Variants in SHISA6 observed in about 807,000 individuals in gnomAD.
SHISA6 encodes shisa family member 6, also known as protein shisa-6.
SHISA6 carries 22 observed loss-of-function variants against 47.9 expected under a neutral mutation model. The ratio of observed to expected loss-of-function variants is 0.46; its 90% CI spans 0.33 to 0.66. The LOEUF (loss-of-function observed/expected upper bound fraction) is 0.66, where lower values mean the gene tolerates loss of function less well. SHISA6 is among the 30% of genes least tolerant of loss of function. The pLI is 0.02. For synonymous variants in SHISA6, 388 were observed against 337.8 expected (o/e 1.15, Z -1.63); for missense variants, 680 against 764.6 (o/e 0.89, Z 1.30).
At chr17:11,333,545 C>T (rs1448750507) in intron 2 of SHISA6, among the ~76,000 whole-genome samples, 2 of 152,038 alleles carry the variant, frequency 1.3e-5, no homozygotes, top group Non-Finnish European at 2.9e-5. Context: ...GATGGAGTCT[C>T]ACTCTGTCGC....
rs572437724 is a variant in SHISA6, at chr17:11,293,644, C to G, written c.799+30118C>G. 2.0e-5 allele frequency among the ~76,000 whole-genome samples: 3 copies of G among 152,140 alleles called. No individual in the cohort carries two copies. In the South Asian group the frequency reaches 6.3e-4, roughly 32 times the overall value. ...AGGCATGATGCTGTAGGAACGCAAG[C>G]ATGGTGATGAGGTTGGTGGGGCTTT... On this transcript the variant is annotated intron_variant, in intron 2 of 5. Coordinates refer to ENST00000441885, the MANE Select transcript of SHISA6 (RefSeq NM_207386.4).
intron 3 of SHISA6, among the ~76,000 whole-genome samples, chr17:11,446,775 C>T (rs544929851): frequency 1.3e-5 from 2 of 152,240 alleles, no homozygotes; most frequent in African/African-American, 4.8e-5. Context: ...AATTTTTCAT[C>T]TTGTGTTTGC....
chr17:11,325,182 C>T (rs749960009), intron 2 of SHISA6, among the ~76,000 whole-genome samples: 44 of 152,266 alleles, frequency 2.9e-4, no homozygotes, highest in Admixed American at 1.3e-3. Flanking sequence ...CACATCCAGG[C>T]GGGCCCAAAA....
At chr17:11,486,661 T>C (rs991957542) in intron 3 of SHISA6, among the ~76,000 whole-genome samples, 2 of 152,110 alleles carry the variant, frequency 1.3e-5, no homozygotes, top group African/African-American at 4.8e-5. Context: ...GGTGAGACCA[T>C]AAATAGACAT....
At chr17:11,352,752 T>G (rs1911931508) in intron 2 of SHISA6, among the ~76,000 whole-genome samples, 1 of 152,196 alleles carries the variant, frequency 6.6e-6, no homozygotes, top group African/African-American at 2.4e-5. Flanking sequence ...TAGGGTGGGC[T>G]GATGTAGGTC....
At chr17:11,263,314 G>T in intron 1 of SHISA6, 52 bp from the exon 2 acceptor site, 2 of 1,540,880 alleles carry the variant, frequency 1.3e-6, no homozygotes, top group Non-Finnish European at 1.8e-6. Context: ...TCCCCTCATG[G>T]TTGTGCACAC....
intron 3 of SHISA6, among the ~76,000 whole-genome samples, chr17:11,521,759 C>T (rs1040415497): frequency 6.6e-6 from 1 of 152,050 alleles, no homozygotes; most frequent in South Asian, 2.1e-4. Flanking sequence ...GCTAGGATCA[C>T]GCCTCTGCAT....
In SHISA6 at chr17:11,555,807, G is replaced by C; in HGVS notation, c.1020G>C (p.Ser340=). 1 of 1,551,066 alleles carries C rather than the reference G, an allele frequency of 6.4e-7. No individual in the cohort carries two copies. The highest frequency in any genetic ancestry group is 8.7e-7 in the Non-Finnish European group (1 of 1,146,684). The change falls in exon 5 of 6, where the codon TCG becomes TCC. Residue 340 remains serine, a synonymous_variant. Coordinates refer to ENST00000441885, the MANE Select transcript of SHISA6 (RefSeq NM_207386.4). ...CCTATGACCTCTCCTTCTCCCGCTCGTTCCAGAACTTGGCCCACCTGCCCC... is the reference window on the plus strand; with the variant it reads ...CCTATGACCTCTCCTTCTCCCGCTCCTTCCAGAACTTGGCCCACCTGCCCC... The part of the protein sequence containing the change: ...TEPYDLSFSR[S]FQNLAHLPPS...
intron 2 of SHISA6, among the ~76,000 whole-genome samples, chr17:11,265,730 G>A (rs1345424610): frequency 6.6e-6 from 1 of 152,066 alleles, no homozygotes; most frequent in East Asian, 1.9e-4. Flanking sequence ...TCTCTGTTCG[G>A]GTTTTCTTTG....
At chr17:11,330,693 A>G (rs1235431521) in intron 2 of SHISA6, among the ~76,000 whole-genome samples, 2 of 152,218 alleles carry the variant, frequency 1.3e-5, no homozygotes, top group African/African-American at 2.4e-5. Flanking sequence ...AAAAAGATCC[A>G]TGCGTGAAGC....
At chr17:11,326,250 G>A (rs1482519254) in intron 2 of SHISA6, among the ~76,000 whole-genome samples, 8 of 149,316 alleles carry the variant, frequency 5.4e-5, no homozygotes, top group Non-Finnish European at 4.4e-5. Flanking sequence ...CAGCCTGGGC[G>A]ACAGAGTGAG....
At chr17:11,251,532 G>T (rs531203456) in intron 1 of SHISA6, among the ~76,000 whole-genome samples, 2 of 152,146 alleles carry the variant, frequency 1.3e-5, no homozygotes, top group African/African-American at 2.4e-5. Context: ...GAAAAGAGGC[G>T]ATTTGGGAGG....
At chr17:11,530,440 TAC>T (rs925836492) in intron 3 of SHISA6, among the ~76,000 whole-genome samples, 8 of 152,242 alleles carry the variant, frequency 5.3e-5, no homozygotes, top group African/African-American at 1.9e-4. Flanking sequence ...TGGAAAAAAA[TAC>T]ACACACACTT....
chr17:11,285,247 G>T (rs1205410062), intron 2 of SHISA6, among the ~76,000 whole-genome samples: 1 of 152,176 alleles, frequency 6.6e-6, no homozygotes, highest in African/African-American at 2.4e-5. Context: ...TTGGGATTAG[G>T]TTTGCACATC....
intron 3 of SHISA6, among the ~76,000 whole-genome samples, chr17:11,528,764 C>G (rs1007669347): frequency 6.6e-6 from 1 of 152,180 alleles, no homozygotes; most frequent in Non-Finnish European, 1.5e-5. Context: ...GCAACAGACT[C>G]CCATAACAGA....
intron 3 of SHISA6, among the ~76,000 whole-genome samples, chr17:11,507,394 T>C (rs1318735211): frequency 6.6e-6 from 1 of 152,170 alleles, no homozygotes; most frequent in Non-Finnish European, 1.5e-5. Flanking sequence ...ACCTGCCTTC[T>C]GCTCAGAGCT....
At chr17:11,389,917 G>A (rs189494629) in intron 3 of SHISA6, among the ~76,000 whole-genome samples, 177 of 152,316 alleles carry the variant, frequency 1.2e-3, no homozygotes, top group African/African-American at 4.2e-3. Flanking sequence ...CAGGAAGGTG[G>A]TAGGAATGGC....
intron 3 of SHISA6, among the ~76,000 whole-genome samples, chr17:11,514,145 G>A (rs912385709): frequency 3.9e-5 from 6 of 152,058 alleles, no homozygotes; most frequent in Non-Finnish European, 5.9e-5. Context: ...CTTCGTGGAC[G>A]GCCCTATTGT....
At chr17:11,414,047 TCTC>T (rs1156383182) in intron 3 of SHISA6, among the ~76,000 whole-genome samples, 4 of 151,586 alleles carry the variant, frequency 2.6e-5, no homozygotes, top group South Asian at 2.1e-4. Flanking sequence ...CCTCTCTCCT[TCTC>T]CTCCAGTTCC....
Sources: allele counts gnomAD v4.1 joint callset (sites outside exome capture counted in the v4.1 genomes callset), GRCh38; gene constraint gnomAD v4.1.1; transcripts MANE v1.5; gene names NCBI Gene and HGNC (gene_info 2026-07-23, HGNC 2026-07-21).